Variants in RXYLT1 observed in about 807,000 individuals in gnomAD.
RXYLT1 encodes the protein ribitol-5-phosphate xylosyltransferase 1.
Under a neutral mutation model 43.5 loss-of-function variants are expected in RXYLT1, and 41 were observed. The observed-to-expected ratio is 0.94, with a 90% CI of 0.73 to 1.22. The LOEUF is 1.22. Ranked by LOEUF, RXYLT1 falls within the 50% of genes most tolerant of loss-of-function variation. The probability of loss-of-function intolerance (pLI) is 0.00; values close to 1 mark genes in which losing one functional copy is unlikely to be tolerated. For synonymous variants in RXYLT1, 166 were observed against 194.4 expected (o/e 0.85, Z 1.21); for missense variants, 514 against 532.0 (o/e 0.97, Z 0.33).
At chr12:63,786,481 A>G (rs1472981249) in intron 3 of RXYLT1, among the ~76,000 whole-genome samples, 1 of 152,136 alleles carries the variant, frequency 6.6e-6, no homozygotes, top group Non-Finnish European at 1.5e-5. Context: ...ACTGTACTAC[A>G]GTCTATTAAG....
chr12:63,789,427 C>T (rs1897874337), intron 3 of RXYLT1, among the ~76,000 whole-genome samples: 1 of 152,128 alleles, frequency 6.6e-6, no homozygotes, highest in Non-Finnish European at 1.5e-5. Context: ...CCGGGCACCT[C>T]CCACAACATG....
rs755292481 is a variant in RXYLT1 at position 63,802,356 on chromosome 12, C to A, written c.694C>A (p.Pro232Thr). The A allele has an allele frequency of 2.5e-6, 4 of 1,601,018 alleles. No homozygotes were observed. In the East Asian group the frequency reaches 9.0e-5, roughly 36 times the overall value. ...VELLFIIYDSPWINDVDVFQW... is the reference protein window; with the variant it reads ...VELLFIIYDSTWINDVDVFQW... Reference sequence around the variant, plus strand: ...GCTGCTTTTCATAATATATGACAGCCCCTGGATTAATGACGTGGATGTTTT... The same window carrying A: ...GCTGCTTTTCATAATATATGACAGCACCTGGATTAATGACGTGGATGTTTT... The change falls in exon 4 of 6, where the codon CCC becomes ACC. Residue 232 changes from proline to threonine, a missense_variant. Pro to Thr is a conservative substitution (Grantham distance 38). Transcript: ENST00000261234.
chr12:63,785,250 A>T, intron 3 of RXYLT1, 178 bp downstream of exon 3: 5 of 365,702 alleles, frequency 1.4e-5, no homozygotes, highest in Non-Finnish European at 2.4e-5. Context: ...GCTTACTTGG[A>T]CCTTATGAAA....
In RXYLT1 at chr12:63,785,019, T is replaced by C. The variant is rs1897768974; in HGVS notation, c.375T>C (p.Asp125=). The C allele has an allele frequency of 1.2e-6, 2 of 1,614,028 alleles. No homozygotes were observed. Among genetic ancestry groups the C allele is most frequent in the East Asian group, 4.5e-5 (2 of 44,872 alleles). The change falls in exon 3 of 6, where the codon GAT becomes GAC. Residue 125 remains aspartate, a synonymous_variant. Coordinates refer to ENST00000261234, the MANE Select transcript of RXYLT1 (RefSeq NM_014254.3). The part of the protein sequence containing the change: ...HIFEGLLDPS[D]VTAQWREGKS... ...TTGAAGGCTTACTTGATCCCAGCGATGTGACTGCTCAATGGAGAGAAGGAA... is the reference window on the plus strand; with the variant it reads ...TTGAAGGCTTACTTGATCCCAGCGACGTGACTGCTCAATGGAGAGAAGGAA...
chr12:63,790,764 G>A (rs1221758516), intron 3 of RXYLT1, among the ~76,000 whole-genome samples: 1 of 152,092 alleles, frequency 6.6e-6, no homozygotes, highest in East Asian at 1.9e-4. Flanking sequence ...ACCTGGCCTA[G>A]TTCAAATTCT....
chr12:63,783,788 A>G (rs1262298650), intron 2 of RXYLT1, among the ~76,000 whole-genome samples: 2 of 152,186 alleles, frequency 1.3e-5, no homozygotes, highest in Admixed American at 6.5e-5. Context: ...TGCAGCCATA[A>G]CAAATTACCA....
rs1897638957 is a variant in RXYLT1, at chr12:63,780,096, G to C, written c.136G>C (p.Gly46Arg). The C allele has an allele frequency of 2.6e-6, 4 of 1,562,030 alleles. No individual in the cohort carries two copies. The highest frequency in any genetic ancestry group is 3.3e-4 in the Middle Eastern group (2 of 5,986). The change falls in exon 1 of 6, where the codon GGG (glycine) becomes CGG (arginine). Residue 46 changes from glycine to arginine, a missense_variant. Transcript: ENST00000261234. The part of the protein sequence containing the change: ...PAGSPRGLRK[G>R]AAPARERRGR... ...CGGGTCCCCGCGGGGCCTCAGGAAG[G>C]GGGCGGCCCCCGCGCGGGAGAGACG...
At chr12:63,792,238 T>G (rs1330859027) in intron 3 of RXYLT1, among the ~76,000 whole-genome samples, 1 of 152,012 alleles carries the variant, frequency 6.6e-6, no homozygotes, top group Non-Finnish European at 1.5e-5. Flanking sequence ...AGCTAAGCAG[T>G]GTCCTAGAGT....
At position 63,781,052 on chromosome 12, in the gene RXYLT1, CTTGGG is replaced by C; in HGVS notation, c.204_208del (p.Trp69ArgfsTer3). On this transcript the variant is annotated frameshift_variant, in exon 2 of 6. Coordinates refer to ENST00000261234, the MANE Select transcript of RXYLT1 (RefSeq NM_014254.3). LOFTEE classifies it high-confidence loss of function. Reference sequence around the variant, plus strand: ...ACTTTGGAAAGTGAAGAATGGAATCCTTGGGAAGGAGATGAAAAAAATGAGCAACA... The same window carrying C: ...ACTTTGGAAAGTGAAGAATGGAATCCAAGGAGATGAAAAAAATGAGCAACA... 1 of 1,605,726 alleles carries C rather than the reference CTTGGG, an allele frequency of 6.2e-7. No homozygotes were observed.
chr12:63,790,419 C>A (rs1433976950), intron 3 of RXYLT1: 1 of 152,262 alleles, frequency 6.6e-6, no homozygotes, highest in Non-Finnish European at 1.5e-5. Flanking sequence ...ACAGGGCAAA[C>A]TGAACTTCTG....
chr12:63,808,845 G>A lies in RXYLT1; in HGVS notation c.1085G>A (p.Cys362Tyr). ...VVEDVMTAGN[C>Y]GNTSVHHGAP... ...GAAGACGTGATGACAGCTGGCAACTGTGGGAATACATCTGTGCACCACGGT... is the reference window on the plus strand; with the variant it reads ...GAAGACGTGATGACAGCTGGCAACTATGGGAATACATCTGTGCACCACGGT... Residue 362 changes from cysteine to tyrosine, a missense_variant, in exon 6 of 6, where the codon TGT becomes TAT. Coordinates refer to ENST00000261234, the MANE Select transcript of RXYLT1 (RefSeq NM_014254.3). 1.2e-6 allele frequency: 2 copies of A among 1,614,148 alleles called. No homozygotes were observed. The highest frequency in any genetic ancestry group is 1.7e-6 in the Non-Finnish European group (2 of 1,180,020).
chr12:63,779,931 G>A lies in RXYLT1; in HGVS notation c.-30G>A, dbSNP rs751332006. The A allele has an allele frequency of 7.5e-6, 12 of 1,608,600 alleles. No individual in the cohort carries two copies. The highest frequency in any genetic ancestry group is 1.0e-5 in the Non-Finnish European group (12 of 1,178,664). ...ATTCTCTTTCCGCCCGCTCCATGGCGGTGGATGCCTGACTGGAAGCCCGAG... is the reference window on the plus strand; with the variant it reads ...ATTCTCTTTCCGCCCGCTCCATGGCAGTGGATGCCTGACTGGAAGCCCGAG... On this transcript the variant is annotated 5_prime_UTR_variant, in exon 1 of 6. Coordinates refer to ENST00000261234, the MANE Select transcript of RXYLT1 (RefSeq NM_014254.3).
At chr12:63,794,181 G>A (rs766895159) in intron 3 of RXYLT1, among the ~76,000 whole-genome samples, 22 of 152,118 alleles carry the variant, frequency 1.4e-4, no homozygotes, top group Admixed American at 9.8e-4. Context: ...CCCATCATAA[G>A]GTAGTCTATT....
rs527439304 is a variant in RXYLT1, at chr12:63,780,916, A to T, written c.170-103A>T. 4,306 of 1,033,146 alleles carry T rather than the reference A, an allele frequency of 4.2e-3. 18 individuals are homozygous for T. Among genetic ancestry groups the T allele is most frequent in the Non-Finnish European group, 4.5e-3 (3,436 of 762,690 alleles). The allele number at this position is 1,033,146 out of a possible 1,614,324, so 64.0% of individuals were successfully genotyped here. On this transcript the variant is annotated intron_variant, in intron 1 of 5. Coordinates refer to ENST00000261234, the MANE Select transcript of RXYLT1 (RefSeq NM_014254.3). The stretch of plus-strand genomic sequence containing the variant: ...TCAGTTGCTGTACCTCTCAGAAATT[A>T]AAGTTAGGATGAAATTAGAACTAAC...
intron 2 of RXYLT1, chr12:63,782,725 C>A (rs2136220649): frequency 2.5e-6 from 1 of 402,184 alleles, no homozygotes; most frequent in East Asian, 7.2e-5. Context: ...TGTATAATCT[C>A]TTCAAAGAGC....
At chr12:63,788,128 A>C (rs1344581917) in intron 3 of RXYLT1, among the ~76,000 whole-genome samples, 1 of 152,216 alleles carries the variant, frequency 6.6e-6, no homozygotes, top group Non-Finnish European at 1.5e-5. Context: ...ACTTCTCAAT[A>C]GTAAGCTTAA....
intron 3 of RXYLT1, chr12:63,785,522 CAA>C (rs1897782037): frequency 6.6e-6 from 1 of 152,090 alleles, no homozygotes; most frequent in Non-Finnish European, 1.5e-5. Flanking sequence ...TTTATTAAAA[CAA>C]ATTTGATGAG....
chr12:63,802,276 A>G lies in RXYLT1; in HGVS notation c.614A>G (p.His205Arg). 6.2e-7 allele frequency: 1 copy of G among 1,614,134 alleles called. No homozygotes were observed. Among genetic ancestry groups the G allele is most frequent in the Non-Finnish European group, 8.5e-7 (1 of 1,180,018 alleles). The change falls in exon 4 of 6, where the codon CAT (histidine) becomes CGT (arginine). Residue 205 changes from histidine to arginine, a missense_variant. Physicochemically the swap from His to Arg is conservative, Grantham distance 29. Coordinates refer to ENST00000261234, the MANE Select transcript of RXYLT1 (RefSeq NM_014254.3). ...HLAVVLLGNE[H>R]CDNEWINPFL... Reference sequence around the variant, plus strand: ...GCTGTTGTTTTGCTCGGAAATGAACATTGTGATAATGAGTGGATAAACCCA... The same window carrying G: ...GCTGTTGTTTTGCTCGGAAATGAACGTTGTGATAATGAGTGGATAAACCCA...
At chr12:63,806,657 T>C (rs902610867) in intron 5 of RXYLT1, 1 of 152,254 alleles carries the variant, frequency 6.6e-6, no homozygotes, top group Non-Finnish European at 1.5e-5. Flanking sequence ...CTCATACCAT[T>C]GAGCCAGAGG....
Sources: gnomAD v4.1 joint callset for allele counts (sites outside exome capture counted in the v4.1 genomes callset) on GRCh38, gnomAD v4.1.1 for gene constraint, MANE v1.5 for transcripts, NCBI Gene and HGNC (gene_info 2026-07-23, HGNC 2026-07-21) for gene names.